BICC1: variants seen among roughly 807,000 people sequenced by gnomAD.
The protein encoded by BICC1 is protein bicaudal C homolog 1.
Under a neutral mutation model 111.0 loss-of-function variants are expected in BICC1, and 43 were observed. The ratio of observed to expected loss-of-function variants is 0.39; its 90% confidence interval spans 0.30 to 0.50. The LOEUF (loss-of-function observed/expected upper bound fraction) is 0.50. BICC1 is among the 20% of genes least tolerant of loss of function. The pLI is 0.88. For missense variants in BICC1, 1,091 were observed against 1,203.2 expected, an observed-to-expected ratio of 0.91 and a Z score of 1.38; for synonymous variants, 467 against 434.4, an observed-to-expected ratio of 1.07 and a Z score of -0.93.
intron 1 of BICC1, among the ~76,000 whole-genome samples, chr10:58,610,574 A>C (rs1017279553): frequency 6.6e-6 from 1 of 151,458 alleles, no homozygotes; most frequent in African/African-American, 2.4e-5. Flanking sequence ...TTATTGGCCC[A>C]TCCTCTTGTC....
chr10:58,630,155 TTGAG>T (rs1375144238), intron 2 of BICC1, among the ~76,000 whole-genome samples: 1 of 152,044 alleles, frequency 6.6e-6, no homozygotes, highest in Admixed American at 6.5e-5. Context: ...CTCATCTCTA[TTGAG>T]TTAGGAAGCT....
chr10:58,676,739 G>T (rs1021964133), intron 2 of BICC1, among the ~76,000 whole-genome samples: 6 of 152,172 alleles, frequency 3.9e-5, no homozygotes, highest in Non-Finnish European at 5.9e-5. Context: ...TGACCCCCCC[G>T]TGCCTCCTGA....
chr10:58,521,452 C>A (rs1480833085), intron 1 of BICC1, among the ~76,000 whole-genome samples: 1 of 151,936 alleles, frequency 6.6e-6, no homozygotes, highest in Non-Finnish European at 1.5e-5. Flanking sequence ...ATAGGAAAAA[C>A]CTTATTAGTG....
At chr10:58,767,484 A>G (rs1842489369) in intron 3 of BICC1, among the ~76,000 whole-genome samples, 1 of 152,172 alleles carries the variant, frequency 6.6e-6, no homozygotes. Flanking sequence ...CTACTACTTC[A>G]GATGTGAAAA....
intron 20 of BICC1, among the ~76,000 whole-genome samples, chr10:58,821,126 G>C (rs1363562786): frequency 2.0e-5 from 3 of 152,146 alleles, no homozygotes. Flanking sequence ...TGAGCCAGAT[G>C]ATGAGTCAGG....
intron 1 of BICC1, among the ~76,000 whole-genome samples, chr10:58,610,614 CT>C (rs58742721): frequency 0.24 from 35,310 of 145,720 alleles, 4,395 homozygotes; most frequent in East Asian, 0.46. Context: ...CTATCTAGCT[CT>C]TTTTTTTTTT....
At chr10:58,729,365 A>G (rs1454211140) in intron 3 of BICC1, among the ~76,000 whole-genome samples, 1 of 152,136 alleles carries the variant, frequency 6.6e-6, no homozygotes, top group African/African-American at 2.4e-5. Flanking sequence ...AACTTTATGA[A>G]CCTGTCAGTC....
intron 2 of BICC1, among the ~76,000 whole-genome samples, chr10:58,693,101 A>G (rs576626066): frequency 1.3e-5 from 2 of 152,092 alleles, no homozygotes; most frequent in Admixed American, 1.3e-4. Context: ...ATGAGTGAGA[A>G]CATGCGGTGT....
rs1463043369 is a variant in BICC1, at chr10:58,788,436, T to G, written c.600+13T>G. 2 of 1,584,116 alleles carry G rather than the reference T, an allele frequency of 1.3e-6. No individual in the cohort carries two copies. The highest frequency in any genetic ancestry group is 1.3e-5 in the African/African-American group (1 of 74,392). On this transcript the variant is annotated intron_variant, in intron 6 of 20. Transcript: ENST00000373886. ...AGTTAGAATTCGGGTAACTATTTAT[T>G]ACTTTAACATTGTAAATTGATGTCA...
At chr10:58,814,242 A>G (rs571042994) in intron 18 of BICC1, 7 of 611,484 alleles carry the variant, frequency 1.1e-5, no homozygotes, top group Admixed American at 8.8e-5. Context: ...ACCTATCTGT[A>G]TCTCCTTGTG....
At chr10:58,515,938 C>G (rs1490552377) in intron 1 of BICC1, among the ~76,000 whole-genome samples, 2 of 152,136 alleles carry the variant, frequency 1.3e-5, no homozygotes, top group Non-Finnish European at 2.9e-5. Context: ...ATAGTATATA[C>G]TTAATAAATA....
At chr10:58,718,778 GCGCGCGTGCGCA>G in intron 3 of BICC1, among the ~76,000 whole-genome samples, 1 of 151,294 alleles carries the variant, frequency 6.6e-6, no homozygotes, top group South Asian at 2.1e-4. Context: ...GCGCGCGCGT[GCGCGCGTGCGCA>G]CGCCCGCGTG....
chr10:58,704,417 C>A (rs530996681), intron 3 of BICC1, among the ~76,000 whole-genome samples: 5 of 152,296 alleles, frequency 3.3e-5, no homozygotes, highest in African/African-American at 1.2e-4. Flanking sequence ...CACACAGCTG[C>A]TGAATCAGTT....
In BICC1 at chr10:58,807,137, C is replaced by G. The variant is rs1205243408; in HGVS notation, c.2355C>G (p.Pro785=). 10 of 1,613,490 alleles carry G rather than the reference C, an allele frequency of 6.2e-6. No homozygotes were observed. Among genetic ancestry groups the G allele is most frequent in the Middle Eastern group, 1.7e-4 (1 of 6,056 alleles). Residue 785 remains proline, a synonymous_variant, in exon 17 of 21, where the codon CCC becomes CCG. Coordinates refer to ENST00000373886, the MANE Select transcript of BICC1 (RefSeq NM_001080512.3). The part of the protein sequence containing the change: ...LRRANHVSYK[P]TMTTTYEGSS... ...GGGCCAATCATGTGTCCTATAAGCCCACAATGACAACCACTTATGAGGTTT... is the reference window on the plus strand; with the variant it reads ...GGGCCAATCATGTGTCCTATAAGCCGACAATGACAACCACTTATGAGGTTT...
intron 2 of BICC1, among the ~76,000 whole-genome samples, chr10:58,685,348 T>C (rs1375223646): frequency 1.3e-5 from 2 of 152,196 alleles, no homozygotes; most frequent in South Asian, 2.1e-4. Flanking sequence ...ATTCTGTTGA[T>C]TGGGGGTGGA....
chr10:58,817,440 C>T (rs1844127678), intron 18 of BICC1, 122 bp from the exon 19 acceptor site: 1 of 1,040,076 alleles, frequency 9.6e-7, no homozygotes. Context: ...TGTATTTCTA[C>T]AGCTACTGCC....
intron 5 of BICC1, among the ~76,000 whole-genome samples, 178 bp from the exon 6 acceptor site, chr10:58,788,192 T>C (rs1843066965): frequency 6.6e-6 from 1 of 152,064 alleles, no homozygotes; most frequent in Non-Finnish European, 1.5e-5. Flanking sequence ...AAAATGCAAA[T>C]TCTGATTAAG....
intron 3 of BICC1, among the ~76,000 whole-genome samples, chr10:58,770,587 T>TA (rs889175452): frequency 3.4e-4 from 51 of 150,828 alleles, no homozygotes; most frequent in Non-Finnish European, 4.4e-4. Context: ...GAATTTACCA[T>TA]AAAAAAAAAC....
intron 3 of BICC1, among the ~76,000 whole-genome samples, chr10:58,739,717 A>C (rs1841593386): frequency 1.3e-5 from 2 of 152,180 alleles, no homozygotes; most frequent in Admixed American, 1.3e-4. Flanking sequence ...AAAAATCAAA[A>C]TCTATATATA....
Sources: gnomAD v4.1 joint callset for allele counts (sites outside exome capture counted in the v4.1 genomes callset) on GRCh38, gnomAD v4.1.1 for gene constraint, MANE v1.5 for transcripts, NCBI Gene and HGNC (gene_info 2026-07-23, HGNC 2026-07-21) for gene names.